Variants in RGS5 observed in about 807,000 individuals in gnomAD.
RGS5 encodes the protein regulator of G-protein signalling 5.
Under a neutral mutation model 18.9 loss-of-function variants are expected in RGS5, and 20 were observed. The observed-to-expected ratio is 1.06, with a 90% CI of 0.74 to 1.54. The LOEUF is 1.54. RGS5 is among the 40% of genes most tolerant of loss of function. RGS5 has a pLI of 0.00. For synonymous variants in RGS5, 57 were observed against 76.2 expected, an observed-to-expected ratio of 0.75 and a Z score of 1.31; for missense variants, 201 against 211.8, an observed-to-expected ratio of 0.95 and a Z score of 0.32.
intron 1 of RGS5, among the ~76,000 whole-genome samples, chr1:163,202,080 G>T (rs185413657): frequency 9.5e-4 from 144 of 152,206 alleles, no homozygotes; most frequent in Non-Finnish European, 1.6e-3. Context: ...TGATGCATTT[G>T]TCTGAAAAAG....
At chr1:163,266,173 C>G (rs1648568269) in intron 2 of RGS5, among the ~76,000 whole-genome samples, 1 of 152,096 alleles carries the variant, frequency 6.6e-6, no homozygotes, top group African/African-American at 2.4e-5. Flanking sequence ...TGGCAAGACC[C>G]AGACCCCGGC....
chr1:163,180,974 G>A (rs943792974), intron 1 of RGS5, among the ~76,000 whole-genome samples: 1 of 152,028 alleles, frequency 6.6e-6, no homozygotes, highest in Non-Finnish European at 1.5e-5. Flanking sequence ...TATTACAGGC[G>A]TGAGCCACCG....
chr1:163,263,717 C>T (rs1648508129), intron 2 of RGS5, among the ~76,000 whole-genome samples: 1 of 151,866 alleles, frequency 6.6e-6, no homozygotes. Context: ...TTCTTGTTCC[C>T]AGAAAGATTT....
intron 2 of RGS5, among the ~76,000 whole-genome samples, chr1:163,276,462 G>T (rs1648857727): frequency 6.6e-6 from 1 of 152,056 alleles, no homozygotes; most frequent in Non-Finnish European, 1.5e-5. Context: ...TTTTCATAAC[G>T]ATGCTTACGT....
In RGS5 at chr1:163,254,796, CT is replaced by C. The variant is rs973880026; in HGVS notation, c.-281+51436del. 3.3e-5 allele frequency among the ~76,000 whole-genome samples: 5 copies of C among 151,778 alleles called. No homozygotes were observed. In the East Asian group the frequency reaches 9.7e-4, roughly 29 times the overall value. On this transcript the variant is annotated intron_variant, in intron 2 of 5. Coordinates refer to the RGS5 transcript ENST00000618415. ...ATGGTTTTAGGTCTAACGTTTAAGT[CT>C]TTAATCCATCTTGAATTAATTTTTG...
chr1:163,318,816 G>A (rs1650099170), intron 1 of RGS5: 1 of 152,176 alleles, frequency 6.6e-6, no homozygotes, highest in South Asian at 2.1e-4. Context: ...TACATTGGTG[G>A]AGGAAGTACA....
At chr1:163,229,835 A>G (rs879939131) in intron 2 of RGS5, among the ~76,000 whole-genome samples, 2 of 152,188 alleles carry the variant, frequency 1.3e-5, no homozygotes, top group Non-Finnish European at 2.9e-5. Context: ...TACTCCCACT[A>G]ACATTTGGGT....
Position 163,231,182 on chromosome 1 carries a change from T to A in RGS5, c.-280-62814A>T, listed in dbSNP as rs150495703. Among the ~76,000 whole-genome samples the A allele has an allele frequency of 6.2e-3, 941 of 152,212 alleles. 5 individuals carry two copies. The highest frequency in any genetic ancestry group is 8.0e-3 in the Non-Finnish European group (541 of 68,028). ...ACTTTTCCCACATTTTTCTCTTTTTTAAATATTAAATTACAATAAAAAAAT... is the reference window on the plus strand; with the variant it reads ...ACTTTTCCCACATTTTTCTCTTTTTAAAATATTAAATTACAATAAAAAAAT... On this transcript the variant is annotated intron_variant, in intron 2 of 5. Coordinates refer to the RGS5 transcript ENST00000618415.
intron 3 of RGS5, among the ~76,000 whole-genome samples, chr1:163,157,285 T>C (rs1657622736): frequency 6.6e-6 from 1 of 152,200 alleles, no homozygotes; most frequent in East Asian, 1.9e-4. Context: ...TCTATTTTTG[T>C]GTTTGAAGAA....
intron 2 of RGS5, among the ~76,000 whole-genome samples, chr1:163,224,779 T>A (rs1482557381): frequency 6.6e-6 from 1 of 152,228 alleles, no homozygotes; most frequent in Non-Finnish European, 1.5e-5. Context: ...TTTGCATTTC[T>A]CTGATGATTA....
chr1:163,250,002 G>A (rs1381508782), intron 2 of RGS5, among the ~76,000 whole-genome samples: 1 of 152,052 alleles, frequency 6.6e-6, no homozygotes, highest in Admixed American at 6.6e-5. Context: ...GTACATCACT[G>A]CCACAGTTCT....
chr1:163,281,952 C>G (rs1449625524), intron 2 of RGS5, among the ~76,000 whole-genome samples: 1 of 152,032 alleles, frequency 6.6e-6, no homozygotes, highest in African/African-American at 2.4e-5. Flanking sequence ...AGACCTGAAA[C>G]TATAAAACTA....
At chr1:163,237,548 G>A (rs529822941) in intron 2 of RGS5, among the ~76,000 whole-genome samples, 30 of 152,160 alleles carry the variant, frequency 2.0e-4, no homozygotes, top group African/African-American at 6.7e-4. Flanking sequence ...AACCAGGCAC[G>A]GTGGCGTGCA....
intron 2 of RGS5, among the ~76,000 whole-genome samples, chr1:163,270,592 G>A (rs1339981088): frequency 1.3e-5 from 2 of 152,040 alleles, no homozygotes; most frequent in Non-Finnish European, 2.9e-5. Context: ...ATTTGTGGAA[G>A]CCAGAAAATG....
chr1:163,302,677 C>A (rs1484807807), intron 2 of RGS5, among the ~76,000 whole-genome samples: 2 of 152,170 alleles, frequency 1.3e-5, no homozygotes, highest in Non-Finnish European at 2.9e-5. Flanking sequence ...TTTACCCAAT[C>A]AAACCACAGT....
chr1:163,254,329 T>C (rs1232748860), intron 2 of RGS5, among the ~76,000 whole-genome samples: 5 of 152,030 alleles, frequency 3.3e-5, no homozygotes, highest in Non-Finnish European at 7.4e-5. Flanking sequence ...CCTGACTTTT[T>C]AATGATTGCC....
chr1:163,231,869 A>G (rs1173191507), intron 2 of RGS5, among the ~76,000 whole-genome samples: 1 of 151,882 alleles, frequency 6.6e-6, no homozygotes, highest in Non-Finnish European at 1.5e-5. Context: ...TGTTATCGTT[A>G]TATGTGCAGA....
intron 2 of RGS5, among the ~76,000 whole-genome samples, chr1:163,273,006 G>C (rs1165053355): frequency 6.6e-6 from 1 of 151,662 alleles, no homozygotes; most frequent in Non-Finnish European, 1.5e-5. Flanking sequence ...TTTTTCATAA[G>C]TATGTCATTT....
At chr1:163,237,762 T>C (rs966412426) in intron 2 of RGS5, 1 of 152,348 alleles carries the variant, frequency 6.6e-6, no homozygotes, top group African/African-American at 2.4e-5. Context: ...CCTGGAAACG[T>C]AGATTTTGCC....
Sources: gnomAD v4.1 joint callset for allele counts (sites outside exome capture counted in the v4.1 genomes callset) on GRCh38, gnomAD v4.1.1 for gene constraint, MANE v1.5 for transcripts, NCBI Gene and HGNC (gene_info 2026-07-23, HGNC 2026-07-21) for gene names.